Variants in CATSPERT observed in about 807,000 individuals in gnomAD.
The protein encoded by CATSPERT is catsper channel auxiliary subunit tau.
the CATSPERT span, among the ~76,000 whole-genome samples, chr2:201,562,187 CTT>C: frequency 0.056 from 6,754 of 120,984 alleles, 122 homozygotes; most frequent in African/African-American, 0.076. Flanking sequence ...TCTAATAATT[CTT>C]TTTTTTTTTT....
chr2:201,574,641 C>T, the CATSPERT span, among the ~76,000 whole-genome samples: 1 of 152,086 alleles, frequency 6.6e-6, no homozygotes, highest in Admixed American at 6.6e-5. Flanking sequence ...TTTACTCACA[C>T]TCCTCTCACC....
At chr2:201,517,600 A>G in the CATSPERT span, among the ~76,000 whole-genome samples, 1 of 152,238 alleles carries the variant, frequency 6.6e-6, no homozygotes, top group Non-Finnish European at 1.5e-5. Context: ...TATTATTTAT[A>G]GTAAAGCCCT....
chr2:201,562,244 G>A, the CATSPERT span, among the ~76,000 whole-genome samples: 1 of 142,180 alleles, frequency 7.0e-6, no homozygotes, highest in Non-Finnish European at 1.5e-5. Flanking sequence ...CTGGAGTGCA[G>A]TGGCGCGATC....
chr2:201,491,227 T>C, the CATSPERT span: 1 of 1,537,398 alleles, frequency 6.5e-7, no homozygotes, highest in East Asian at 2.4e-5. Flanking sequence ...CTTCTTTAGG[T>C]GAATTCTTGT....
At chr2:201,515,181 A>T in the CATSPERT span, among the ~76,000 whole-genome samples, 1 of 111,542 alleles carries the variant, frequency 9.0e-6, no homozygotes, top group Non-Finnish European at 1.8e-5. Context: ...AAAGGAATTG[A>T]GTGTTGTGAA....
At chr2:201,583,579 T>A in the CATSPERT span, among the ~76,000 whole-genome samples, 8 of 152,348 alleles carry the variant, frequency 5.3e-5, no homozygotes, top group African/African-American at 1.4e-4. Context: ...TTATATTTTT[T>A]AAAATATCTC....
the CATSPERT span, among the ~76,000 whole-genome samples, chr2:201,528,891 G>A: frequency 2.0e-5 from 3 of 152,024 alleles, no homozygotes; most frequent in Admixed American, 6.5e-5. Flanking sequence ...GCCTGCAGAA[G>A]TAACTCCTGA....
At chr2:201,514,081 A>C in the CATSPERT span, among the ~76,000 whole-genome samples, 10 of 152,126 alleles carry the variant, frequency 6.6e-5, no homozygotes, top group Non-Finnish European at 1.5e-5. Flanking sequence ...TGTAATAAAA[A>C]AGAAATATCT....
the CATSPERT span, among the ~76,000 whole-genome samples, chr2:201,522,511 C>T: frequency 5.3e-5 from 8 of 152,184 alleles, no homozygotes; most frequent in African/African-American, 1.7e-4. Context: ...GCTGGGAACC[C>T]TGCATGGGGT....
the CATSPERT span, chr2:201,491,284 T>G: frequency 6.5e-7 from 1 of 1,537,892 alleles, no homozygotes; most frequent in Admixed American, 2.0e-5. Context: ...GTTAAATGAC[T>G]TTTTTGGTTG....
At chr2:201,530,876 C>T in the CATSPERT span, among the ~76,000 whole-genome samples, 2 of 151,804 alleles carry the variant, frequency 1.3e-5, no homozygotes, top group African/African-American at 4.8e-5. Context: ...TAATTACATA[C>T]AGTGCGGCCC....
the CATSPERT span, among the ~76,000 whole-genome samples, chr2:201,562,541 C>A: frequency 6.7e-6 from 1 of 148,744 alleles, no homozygotes; most frequent in Admixed American, 6.7e-5. Flanking sequence ...TTTTATTGAT[C>A]ATTCTTGGGT....
At chr2:201,498,837 A>T in the CATSPERT span, among the ~76,000 whole-genome samples, 2 of 152,096 alleles carry the variant, frequency 1.3e-5, no homozygotes, top group African/African-American at 2.4e-5. Context: ...AACATCAAAA[A>T]ACCATTCTCT....
At chr2:201,489,684 A>G in the CATSPERT span, among the ~76,000 whole-genome samples, 2 of 152,192 alleles carry the variant, frequency 1.3e-5, no homozygotes, top group Admixed American at 6.5e-5. Context: ...TCAATTTAAT[A>G]TGAGTTTTAC....
the CATSPERT span, among the ~76,000 whole-genome samples, chr2:201,583,771 C>A: frequency 6.6e-6 from 1 of 151,856 alleles, no homozygotes; most frequent in African/African-American, 2.4e-5. Flanking sequence ...GGAAACAAAG[C>A]GCCACAAATG....
the CATSPERT span, among the ~76,000 whole-genome samples, chr2:201,613,975 T>C: frequency 6.6e-6 from 1 of 152,042 alleles, no homozygotes; most frequent in South Asian, 2.1e-4. Flanking sequence ...GAAGATCAAA[T>C]GAATGAAATG....
chr2:201,493,049 GTCTT>G, the CATSPERT span: 2 of 1,536,320 alleles, frequency 1.3e-6, no homozygotes, highest in South Asian at 1.2e-5. Context: ...GGTTGAATTA[GTCTT>G]TCTAATTCTT....
At chr2:201,507,511 A>C in the CATSPERT span, among the ~76,000 whole-genome samples, 1 of 152,226 alleles carries the variant, frequency 6.6e-6, no homozygotes, top group Non-Finnish European at 1.5e-5. Context: ...ATTACCAAGA[A>C]AATGATGAAA....
At chr2:201,556,336 C>T in the CATSPERT span, among the ~76,000 whole-genome samples, 5 of 152,022 alleles carry the variant, frequency 3.3e-5, no homozygotes, top group African/African-American at 7.2e-5. Context: ...GGTGAAACCC[C>T]GTCTCTACTA....
Sources: allele counts gnomAD v4.1 joint callset (sites outside exome capture counted in the v4.1 genomes callset), GRCh38; gene constraint gnomAD v4.1.1; transcripts MANE v1.5; gene names NCBI Gene and HGNC (gene_info 2026-07-23, HGNC 2026-07-21).